The following MAFF variants were observed in gnomAD, a reference collection of about 807,000 sequenced individuals.
MAFF encodes MAF bZIP transcription factor F.
In MAFF, 4 loss-of-function variants were observed where a neutral mutation model predicts 2.7. The observed-to-expected ratio is 1.48, with a 90% CI of 0.73 to 3.39. MAFF has a LOEUF of 3.39. Ranked by LOEUF, MAFF falls within the 30% of genes most tolerant of loss-of-function variation. The probability of loss-of-function intolerance (pLI) is 0.01; values close to 1 mark genes in which losing one functional copy is unlikely to be tolerated. For missense variants in MAFF, 190 were observed against 246.6 expected (o/e 0.77, Z 1.54); for synonymous variants, 113 against 119.4 (o/e 0.95, Z 0.35).
intron 1 of MAFF, among the ~76,000 whole-genome samples, chr22:38,208,542 C>A (rs557150924): frequency 6.6e-6 from 1 of 152,168 alleles, no homozygotes; most frequent in Non-Finnish European, 1.5e-5. Flanking sequence ...AACTACGTTT[C>A]GGCTTGGAAC....
intron 1 of MAFF, among the ~76,000 whole-genome samples, chr22:38,204,535 C>T (rs2267373): frequency 0.58 from 88,285 of 151,906 alleles, 25,875 homozygotes; most frequent in East Asian, 0.64. Context: ...TGGATCCCTG[C>T]CCTCTAAGAG....
In MAFF at chr22:38,214,902, C is replaced by T; in HGVS notation, c.*24C>T. 6.7e-7 allele frequency: 1 copy of T among 1,493,064 alleles called. No individual in the cohort carries two copies. The highest frequency in any genetic ancestry group is 2.1e-5 in the Admixed American group (1 of 48,626). The allele number at this position is 1,493,064 out of a possible 1,614,324, so 92.5% of individuals were successfully genotyped here. On this transcript the variant is annotated 3_prime_UTR_variant, in exon 3 of 3. Transcript: ENST00000338483. The surrounding 1 kb of genome is among the most constrained non-coding windows in gnomAD (Gnocchi z 6.3). ...AGTGCCCGCCCCCGCCATGCCTCAG[C>T]CACGCCCCTCCGGCCTCAGCTCCCT...
chr22:38,207,504 G>A (rs1359866783), intron 1 of MAFF, among the ~76,000 whole-genome samples: 11 of 125,396 alleles, frequency 8.8e-5, no homozygotes, highest in Admixed American at 2.1e-4. Context: ...GCAGTGGCGC[G>A]ATCTCAGCTC....
At chr22:38,206,262 GT>G (rs1037332807) in intron 1 of MAFF, among the ~76,000 whole-genome samples, 11 of 152,100 alleles carry the variant, frequency 7.2e-5, no homozygotes, top group African/African-American at 2.7e-4. Flanking sequence ...TTGGTGCTGT[GT>G]GTGGTTAGTG....
Position 38,214,615 on chromosome 22 carries a change from G to A in MAFF, c.232G>A (p.Glu78Lys), listed in dbSNP as rs1371125104. ...CRVKRVCQKE[E>K]LQKQKSELER... ...CGTGAAGCGCGTGTGCCAGAAGGAG[G>A]AGCTGCAGAAGCAGAAGTCGGAGCT... Residue 78 changes from glutamate to lysine, a missense_variant, in exon 3 of 3, where the codon GAG becomes AAG. By Grantham distance (56) the Glu-to-Lys change is moderately conservative. This residue lies in a region of MAFF where 87 missense variants were observed against 143.6 expected (regional missense o/e 0.61). Coordinates refer to ENST00000338483, the MANE Select transcript of MAFF (RefSeq NM_012323.4). This position sits in a 1 kb window ranked among gnomAD's most constrained non-coding sequence, Gnocchi z 6.3. 6.3e-7 allele frequency: 1 copy of A among 1,576,966 alleles called. No individual in the cohort carries two copies. Among genetic ancestry groups the A allele is most frequent in the Non-Finnish European group, 8.6e-7 (1 of 1,162,084 alleles).
chr22:38,211,266 G>A (rs892326559), intron 1 of MAFF, among the ~76,000 whole-genome samples: 42 of 147,664 alleles, frequency 2.8e-4, no homozygotes, highest in South Asian at 6.4e-4. Context: ...TCTCACTCTC[G>A]CCCAGGCTGG....
intron 1 of MAFF, 83 bp from the exon 2 acceptor site, chr22:38,213,740 A>C (rs754852243): frequency 5.0e-6 from 5 of 1,008,928 alleles, no homozygotes; most frequent in South Asian, 3.9e-5. Context: ...AGAGGCCTTG[A>C]ATGGCAAGGT....
rs1602337667 is a variant in MAFF, at chr22:38,214,223, G to A, written c.37-197G>A. Among the ~76,000 whole-genome samples, 3 of 152,384 alleles carry A rather than the reference G, an allele frequency of 2.0e-5. No homozygotes were observed. The highest frequency in any genetic ancestry group is 3.9e-4 in the East Asian group (2 of 5,190). ...GGCGCTAGGTTAGAATTCAGGCTGA[G>A]CCCCGGGGTGGCCTCCTTTTGTGTC... is the stretch of plus-strand genomic sequence containing the variant. On this transcript the variant is annotated intron_variant, in intron 2 of 2. Transcript: ENST00000338483. The surrounding 1 kb of genome is among the most constrained non-coding windows in gnomAD (Gnocchi z 6.3).
At chr22:38,204,574 G>A (rs1360252533) in intron 1 of MAFF, among the ~76,000 whole-genome samples, 1 of 152,108 alleles carries the variant, frequency 6.6e-6, no homozygotes, top group African/African-American at 2.4e-5. Context: ...AAAAGGCCTG[G>A]GAACCCCAGA....
At chr22:38,206,491 G>A (rs1043154655) in intron 1 of MAFF, among the ~76,000 whole-genome samples, 9 of 150,196 alleles carry the variant, frequency 6.0e-5, no homozygotes, top group African/African-American at 1.2e-4. Context: ...ATAGGTGTGC[G>A]CCACCACACC....
At chr22:38,213,754 G>C (rs778250884) in intron 1 of MAFF, 69 bp from the exon 2 acceptor site, 1 of 1,137,902 alleles carries the variant, frequency 8.8e-7, no homozygotes, top group Non-Finnish European at 1.3e-6. Context: ...GCAAGGTAGT[G>C]AGTTTGGATT....
rs1448421481 is a variant in MAFF at position 38,214,138 on chromosome 22, T to TA, written c.36+249_36+250insA. On this transcript the variant is annotated intron_variant, in intron 2 of 2. Coordinates refer to ENST00000338483, the MANE Select transcript of MAFF (RefSeq NM_012323.4). The surrounding 1 kb of genome is among the most constrained non-coding windows in gnomAD (Gnocchi z 6.3). ...GGCCTCCTTCCCCATCGGGTCAATGTCCCCTGGGGCATTCAAAGGTGCTTT... is the reference window on the plus strand; with the variant it reads ...GGCCTCCTTCCCCATCGGGTCAATGTACCCCTGGGGCATTCAAAGGTGCTTT... Among the ~76,000 whole-genome samples, 4 of 152,226 alleles carry TA rather than the reference T, an allele frequency of 2.6e-5. No homozygotes were observed. Among genetic ancestry groups the TA allele is most frequent in the Non-Finnish European group, 5.9e-5 (4 of 68,042 alleles).
chr22:38,213,971 T>C, intron 2 of MAFF, 82 bp downstream of exon 2: 1 of 1,476,960 alleles, frequency 6.8e-7, no homozygotes, highest in South Asian at 1.1e-5. Context: ...TTCCCCTTCT[T>C]TCCTGGAATC....
chr22:38,214,419 G>A lies in MAFF; in HGVS notation c.37-1G>A, dbSNP rs765361558. ...GGACCTCAGTTTCCTCATGCCCGCAGATCAAGCGAGAGCTGAGCGAGAACA... is the reference window on the plus strand; with the variant it reads ...GGACCTCAGTTTCCTCATGCCCGCAAATCAAGCGAGAGCTGAGCGAGAACA... On this transcript the variant is annotated splice_acceptor_variant, in intron 2 of 2. Coordinates refer to ENST00000338483, the MANE Select transcript of MAFF (RefSeq NM_012323.4). LOFTEE classifies it high-confidence loss of function. The surrounding 1 kb of genome is among the most constrained non-coding windows in gnomAD (Gnocchi z 6.3). 2 of 1,589,396 alleles carry A rather than the reference G, an allele frequency of 1.3e-6. No homozygotes were observed. The highest frequency in any genetic ancestry group is 2.3e-5 in the East Asian group (1 of 44,188).
rs2091132125 is a variant in MAFF, at chr22:38,214,786, A to G, written c.403A>G (p.Ser135Gly). The change falls in exon 3 of 3, where the codon AGC becomes GGC. Residue 135 changes from serine to glycine, a missense_variant. By Grantham distance (56) the Ser-to-Gly change is moderately conservative. Coordinates refer to ENST00000338483, the MANE Select transcript of MAFF (RefSeq NM_012323.4). This position sits in a 1 kb window ranked among gnomAD's most constrained non-coding sequence, Gnocchi z 6.3. ...GCCCGCCACGCTCGTGGCGCCGGCC[A>G]GCGTCATCACCATCGTCAAGTCCAC... ...RGPATLVAPA[S>G]VITIVKSTPG... 6.8e-7 allele frequency: 1 copy of G among 1,464,410 alleles called. No homozygotes were observed. Among genetic ancestry groups the G allele is most frequent in the Non-Finnish European group, 9.0e-7 (1 of 1,114,002 alleles). The allele number at this position is 1,464,410 out of a possible 1,614,324, so 90.7% of individuals were successfully genotyped here.
chr22:38,209,232 T>A (rs1008803844), intron 1 of MAFF, among the ~76,000 whole-genome samples: 1 of 151,830 alleles, frequency 6.6e-6, no homozygotes, highest in African/African-American at 2.4e-5. Context: ...ACCCGGCTAA[T>A]TTTTTGTATT....
rs566491663 is a variant in MAFF at position 38,211,160 on chromosome 22, G to A, written c.-31-2663G>A. 2.2e-4 allele frequency among the ~76,000 whole-genome samples: 34 copies of A among 152,224 alleles called. No homozygotes were observed. The South Asian group carries it at 6.8e-3, about 31-fold the overall frequency. ...CCTGTGTTGAGGAAGGGCGGGTGTG[G>A]CTGAGGCAGGGGAAACAAAAGGAAG... is the stretch of plus-strand genomic sequence containing the variant. On this transcript the variant is annotated intron_variant, in intron 1 of 2. Transcript: ENST00000338483.
chr22:38,212,466 T>A (rs555098474), intron 1 of MAFF, among the ~76,000 whole-genome samples: 1 of 152,204 alleles, frequency 6.6e-6, no homozygotes, highest in African/African-American at 2.4e-5. Context: ...TGGGAGATGG[T>A]CCCCTTCTCC....
At chr22:38,206,339 C>A (rs1035989767) in intron 1 of MAFF, among the ~76,000 whole-genome samples, 3 of 109,154 alleles carry the variant, frequency 2.7e-5, no homozygotes, top group African/African-American at 1.1e-4. Context: ...GCCTATGCCT[C>A]CTTTTTTTTT....
Sources: allele counts gnomAD v4.1 joint callset (sites outside exome capture counted in the v4.1 genomes callset), GRCh38; gene constraint gnomAD v4.1.1; regional missense constraint gnomAD v4.1.1; non-coding constraint Gnocchi (gnomAD v3.1); transcripts MANE v1.5; gene names NCBI Gene and HGNC (gene_info 2026-07-23, HGNC 2026-07-21).